The following CDYL variants were observed in gnomAD, a reference collection of about 807,000 sequenced individuals.
The protein encoded by CDYL is chromodomain Y like.
CDYL carries 8 observed loss-of-function variants against 47.3 expected under a neutral mutation model. That is an observed-to-expected ratio of 0.17 (90% CI 0.10 to 0.31). CDYL has a LOEUF of 0.31. CDYL is among the 10% of genes least tolerant of loss of function. CDYL has a pLI of 1.00. For synonymous variants in CDYL, 266 were observed against 265.0 expected, an observed-to-expected ratio of 1.00 and a Z score of -0.04; for missense variants, 471 against 701.4, an observed-to-expected ratio of 0.67 and a Z score of 3.71.
intron 1 of CDYL, 31 bp downstream of exon 1, chr6:4,776,838 CCCCCGCCCGCCGCCCCTCCCGG>C: frequency 6.8e-6 from 6 of 881,204 alleles, no homozygotes; most frequent in Non-Finnish European, 8.1e-6. Context: ...CTCGGGCCGC[CCCCCGCCCGCCGCCCCTCCCGG>C]CCCGGCCGCG....
intron 3 of CDYL, among the ~76,000 whole-genome samples, chr6:4,735,267 G>A (rs1041538093): frequency 6.6e-6 from 1 of 150,766 alleles, no homozygotes; most frequent in African/African-American, 2.4e-5. Flanking sequence ...TCTAGCCTGG[G>A]TAACAACAGC....
chr6:4,800,260 T>C (rs1467217874), intron 1 of CDYL, among the ~76,000 whole-genome samples: 3 of 152,158 alleles, frequency 2.0e-5, no homozygotes, highest in Non-Finnish European at 4.4e-5. Context: ...TTAACCAAAA[T>C]TTCTTATTAA....
chr6:4,908,585 C>G (rs1464220779), intron 2 of CDYL, among the ~76,000 whole-genome samples: 1 of 152,216 alleles, frequency 6.6e-6, no homozygotes, highest in Non-Finnish European at 1.5e-5. Flanking sequence ...GCTCTCCAAG[C>G]TTCCAGGGTC....
intron 3 of CDYL, among the ~76,000 whole-genome samples, chr6:4,736,761 C>T (rs981528552): frequency 6.6e-6 from 1 of 151,784 alleles, no homozygotes; most frequent in Non-Finnish European, 1.5e-5. Flanking sequence ...AGAGTAAGTG[C>T]ACATGAAACA....
intron 5 of CDYL, among the ~76,000 whole-genome samples, chr6:4,947,791 C>CT (rs370134189): frequency 4.1e-4 from 63 of 152,304 alleles, no homozygotes; most frequent in African/African-American, 1.4e-3. Context: ...GCAGAGCTGA[C>CT]TGACAGGGAG....
intron 1 of CDYL, among the ~76,000 whole-genome samples, chr6:4,790,550 A>G (rs571448930): frequency 2.6e-5 from 4 of 152,344 alleles, no homozygotes; most frequent in African/African-American, 7.2e-5. Flanking sequence ...CCTGGTCATC[A>G]TACATGGGAT....
chr6:4,713,593 T>TC (rs1561818774), intron 1 of CDYL, among the ~76,000 whole-genome samples: 1 of 150,130 alleles, frequency 6.7e-6, no homozygotes, highest in Non-Finnish European at 1.5e-5. Flanking sequence ...TAGATTCTTT[T>TC]TTTTTTTTTT....
intron 3 of CDYL, among the ~76,000 whole-genome samples, chr6:4,740,412 G>T (rs994432449): frequency 6.6e-6 from 1 of 152,172 alleles, no homozygotes; most frequent in African/African-American, 2.4e-5. Context: ...AGAATGGAGA[G>T]TGTCGAGGCC....
intron 2 of CDYL, among the ~76,000 whole-genome samples, chr6:4,728,564 T>C (rs1757553641): frequency 6.6e-6 from 1 of 152,140 alleles, no homozygotes; most frequent in East Asian, 1.9e-4. Context: ...AATTAAACTC[T>C]TCAGAGGTCC....
At chr6:4,746,296 G>A (rs759406219) in intron 3 of CDYL, among the ~76,000 whole-genome samples, 6 of 151,430 alleles carry the variant, frequency 4.0e-5, no homozygotes, top group South Asian at 2.1e-4. Flanking sequence ...CCCGGGAGGC[G>A]GAGGTTGCAA....
intron 2 of CDYL, among the ~76,000 whole-genome samples, chr6:4,723,896 C>G (rs1757424997): frequency 6.6e-6 from 1 of 152,182 alleles, no homozygotes; most frequent in Non-Finnish European, 1.5e-5. Context: ...AAATCAAAAT[C>G]AAGTTATTCA....
In CDYL at chr6:4,926,015, C is replaced by G. The variant is rs375224758; in HGVS notation, c.692-9500C>G. Among the ~76,000 whole-genome samples the G allele has an allele frequency of 4.4e-4, 67 of 152,206 alleles. No individual in the cohort carries two copies. The East Asian group carries it at 6.0e-3, about 14-fold the overall frequency. On this transcript the variant is annotated intron_variant, in intron 2 of 6. Transcript: ENST00000397588. The stretch of plus-strand genomic sequence containing the variant: ...TTTTCAAAAATGTCTTAGCCTATCT[C>G]CCTGCTAAATCCTAACCACCGAGTT...
chr6:4,759,901 A>G lies in CDYL; in HGVS notation c.186+25057A>G, dbSNP rs1459916605. Reference sequence around the variant, plus strand: ...TCTCAAAAAAAAAAAAAAAAAAAAAAAAAAAAAAAAAAAAAAAAAAAAAAG... The same window carrying G: ...TCTCAAAAAAAAAAAAAAAAAAAAAGAAAAAAAAAAAAAAAAAAAAAAAAG... On this transcript the variant is annotated intron_variant, in intron 3 of 8. Coordinates refer to the CDYL transcript ENST00000328908. 2.4e-3 allele frequency among the ~76,000 whole-genome samples: 236 copies of G among 99,168 alleles called. 5 individuals carry two copies. Among genetic ancestry groups the G allele is most frequent in the African/African-American group, 4.4e-3 (102 of 23,064 alleles). 65.1% of individuals were successfully genotyped at this position (99,168 alleles called of 152,430 possible).
intron 3 of CDYL, among the ~76,000 whole-genome samples, chr6:4,735,146 C>T (rs140459371): frequency 2.0e-5 from 3 of 151,786 alleles, no homozygotes; most frequent in African/African-American, 4.8e-5. Flanking sequence ...ATTTGCTGGG[C>T]GTGGTGGCGC....
At chr6:4,923,343 T>A (rs1039685748) in intron 2 of CDYL, among the ~76,000 whole-genome samples, 1 of 152,208 alleles carries the variant, frequency 6.6e-6, no homozygotes, top group Non-Finnish European at 1.5e-5. Flanking sequence ...CCTGGCTTCG[T>A]TCACTTAGCA....
chr6:4,734,645 T>G, intron 2 of CDYL: 3 of 1,351,354 alleles, frequency 2.2e-6, no homozygotes, highest in Non-Finnish European at 2.0e-6. Context: ...AGACTCCTAA[T>G]TCAGGAAGGG....
At chr6:4,749,307 A>AGATGGATAGATG (rs1554133645) in intron 3 of CDYL, among the ~76,000 whole-genome samples, 1 of 146,506 alleles carries the variant, frequency 6.8e-6, no homozygotes, top group Non-Finnish European at 1.5e-5. Context: ...ATGGATGGAT[A>AGATGGATAGATG]GATGGATGGA....
intron 1 of CDYL, among the ~76,000 whole-genome samples, chr6:4,708,925 T>A (rs2127405604): frequency 6.6e-6 from 1 of 152,204 alleles, no homozygotes; most frequent in Middle Eastern, 3.4e-3. Flanking sequence ...AAGAATCGCT[T>A]GAACCCAGGA....
intron 1 of CDYL, among the ~76,000 whole-genome samples, chr6:4,856,707 A>G (rs921987574): frequency 6.6e-6 from 1 of 152,134 alleles, no homozygotes. Flanking sequence ...CCAGCCCAGA[A>G]CTCTGATGGG....
Sources: gnomAD v4.1 joint callset for allele counts (sites outside exome capture counted in the v4.1 genomes callset) on GRCh38, gnomAD v4.1.1 for gene constraint, MANE v1.5 for transcripts, NCBI Gene and HGNC (gene_info 2026-07-23, HGNC 2026-07-21) for gene names.